The following DLGAP2 variants were observed in gnomAD, a reference collection of about 807,000 sequenced individuals.
DLGAP2 encodes disks large-associated protein 2.
Under a neutral mutation model 100.3 loss-of-function variants are expected in DLGAP2, and 26 were observed. The observed-to-expected ratio is 0.26, with a 90% CI of 0.19 to 0.36. DLGAP2 has a LOEUF of 0.36. Among genes scored for constraint, DLGAP2 ranks in the 10% least tolerant of loss-of-function variants. DLGAP2 has a pLI of 1.00. For missense variants in DLGAP2, 1,858 were observed against 1,453.2 expected (o/e 1.28, Z -4.53); for synonymous variants, 886 against 630.1 (o/e 1.41, Z -6.08).
chr8:1,663,812 T>C (rs1341480199), intron 8 of DLGAP2, among the ~76,000 whole-genome samples: 1 of 152,112 alleles, frequency 6.6e-6, no homozygotes, highest in Admixed American at 6.5e-5. Context: ...TCACAGCGCA[T>C]GTTTTGATTT....
At chr8:973,566 G>C (rs1175681189) in intron 2 of DLGAP2, among the ~76,000 whole-genome samples, 3 of 152,244 alleles carry the variant, frequency 2.0e-5, no homozygotes, top group Non-Finnish European at 2.9e-5. Flanking sequence ...GGTGGCAGCT[G>C]GGCAGAGGCT....
chr8:1,407,046 A>C (rs78546094), intron 3 of DLGAP2, among the ~76,000 whole-genome samples: 7 of 15,634 alleles, frequency 4.5e-4, no homozygotes, highest in African/African-American at 6.6e-4. Context: ...ACTGAGCGCC[A>C]CCTCCTTGTC....
At chr8:1,681,004 G>A (rs1219523757) in intron 12 of DLGAP2, among the ~76,000 whole-genome samples, 1 of 152,128 alleles carries the variant, frequency 6.6e-6, no homozygotes, top group Non-Finnish European at 1.5e-5. Context: ...TCTACACCAT[G>A]TGTTTCCTCA....
chr8:1,030,133 G>A (rs780915377), intron 2 of DLGAP2, among the ~76,000 whole-genome samples: 2 of 152,182 alleles, frequency 1.3e-5, no homozygotes, highest in Non-Finnish European at 2.9e-5. Context: ...TAATGGTTAA[G>A]GCCCTAGTTC....
At chr8:1,011,717 C>T (rs987620665) in intron 2 of DLGAP2, among the ~76,000 whole-genome samples, 1 of 148,774 alleles carries the variant, frequency 6.7e-6, no homozygotes, top group Non-Finnish European at 1.5e-5. Context: ...TCTCAGTCTA[C>T]ACAGTGAGCC....
chr8:1,011,642 C>G (rs755061677), intron 2 of DLGAP2, among the ~76,000 whole-genome samples: 5 of 148,766 alleles, frequency 3.4e-5, no homozygotes, highest in Admixed American at 2.7e-4. Context: ...TGAGGGGTCT[C>G]AGTCTGCACA....
intron 1 of DLGAP2, among the ~76,000 whole-genome samples, chr8:826,041 A>T (rs570747649): frequency 8.1e-4 from 123 of 152,288 alleles, no homozygotes; most frequent in African/African-American, 2.9e-3. Flanking sequence ...CAGGGTTGTA[A>T]TTTTTGCTCC....
chr8:1,602,709 A>AT (rs1796667493), intron 6 of DLGAP2, among the ~76,000 whole-genome samples: 1 of 152,156 alleles, frequency 6.6e-6, no homozygotes, highest in Admixed American at 6.5e-5. Context: ...TCATTCATTC[A>AT]TTTATTCATC....
At chr8:1,616,917 T>C (rs1797173624) in intron 6 of DLGAP2, among the ~76,000 whole-genome samples, 1 of 152,192 alleles carries the variant, frequency 6.6e-6, no homozygotes, top group African/African-American at 2.4e-5. Context: ...CCAGTATGTG[T>C]AGTTTTCCTC....
intron 2 of DLGAP2, among the ~76,000 whole-genome samples, chr8:1,186,491 G>A (rs1314236858): frequency 6.6e-6 from 1 of 152,154 alleles, no homozygotes; most frequent in African/African-American, 2.4e-5. Context: ...CCATCAACAA[G>A]GCTGTCAGTG....
intron 3 of DLGAP2, among the ~76,000 whole-genome samples, chr8:1,335,332 G>A (rs993478303): frequency 7.2e-5 from 11 of 152,142 alleles, no homozygotes; most frequent in African/African-American, 1.9e-4. Context: ...TGTGGACAAC[G>A]AATTTAGAAA....
Position 1,516,197 on chromosome 8 carries a change from G to A in DLGAP2, c.172+14766G>A, listed in dbSNP as rs1412100144. 8.5e-5 allele frequency among the ~76,000 whole-genome samples: 13 copies of A among 152,196 alleles called. 1 individual carries two copies. The highest frequency in any genetic ancestry group is 8.5e-4 in the Admixed American group (13 of 15,280). On this transcript the variant is annotated intron_variant, in intron 4 of 14. Transcript: ENST00000637795. Reference sequence around the variant, plus strand: ...ACCAAGTGAGTTACTGAGTGAGAATGAGTGAATGTGTGCATGAATGAGTGA... The same window carrying A: ...ACCAAGTGAGTTACTGAGTGAGAATAAGTGAATGTGTGCATGAATGAGTGA...
At chr8:769,431 C>T (rs1585843458) in intron 1 of DLGAP2, among the ~76,000 whole-genome samples, 1 of 151,888 alleles carries the variant, frequency 6.6e-6, no homozygotes, top group South Asian at 2.1e-4. Flanking sequence ...AGCCATTAAC[C>T]CCGAATACAG....
At chr8:890,477 C>T (rs774461492) in intron 1 of DLGAP2, among the ~76,000 whole-genome samples, 6 of 151,868 alleles carry the variant, frequency 4.0e-5, no homozygotes, top group Non-Finnish European at 8.8e-5. Flanking sequence ...CGCTGTCTTC[C>T]CTTCTGGTTC....
chr8:1,201,764 C>G (rs1052662562), intron 2 of DLGAP2, among the ~76,000 whole-genome samples: 1 of 152,218 alleles, frequency 6.6e-6, no homozygotes, highest in African/African-American at 2.4e-5. Context: ...TGCCCTCCCT[C>G]ATCACCAGGC....
intron 1 of DLGAP2, among the ~76,000 whole-genome samples, chr8:757,641 G>A (rs147898106): frequency 4.7e-4 from 72 of 152,328 alleles, no homozygotes; most frequent in African/African-American, 1.7e-3. Context: ...TCCACAGGCG[G>A]GCTGAGGGTT....
At chr8:1,678,065 C>A in intron 11 of DLGAP2, 149 bp from the exon 12 acceptor site, 2 of 822,978 alleles carry the variant, frequency 2.4e-6, no homozygotes, top group Non-Finnish European at 3.7e-6. Context: ...AGACAAAACA[C>A]CAGCATATTT....
intron 3 of DLGAP2, among the ~76,000 whole-genome samples, chr8:1,322,868 C>T (rs1181153517): frequency 2.0e-5 from 3 of 152,216 alleles, no homozygotes; most frequent in Non-Finnish European, 4.4e-5. Flanking sequence ...TCATTTGTCA[C>T]AGTGCATAAT....
At chr8:843,056 A>G (rs1210722361) in intron 1 of DLGAP2, among the ~76,000 whole-genome samples, 1 of 152,188 alleles carries the variant, frequency 6.6e-6, no homozygotes, top group Non-Finnish European at 1.5e-5. Flanking sequence ...GTGTGCAGGC[A>G]GGGGTGTTAT....
Sources: gnomAD v4.1 joint callset for allele counts (sites outside exome capture counted in the v4.1 genomes callset) on GRCh38, gnomAD v4.1.1 for gene constraint, MANE v1.5 for transcripts, NCBI Gene and HGNC (gene_info 2026-07-23, HGNC 2026-07-21) for gene names.